WDR25: variants seen among roughly 807,000 people sequenced by gnomAD.
The protein encoded by WDR25 is WD repeat domain 25, also known as WD repeat-containing protein 25.
Under a neutral mutation model 47.7 loss-of-function variants are expected in WDR25, and 35 were observed. That is an observed-to-expected ratio of 0.73 (90% CI 0.56 to 0.97). The LOEUF (loss-of-function observed/expected upper bound fraction) is 0.97. Among genes scored for constraint, WDR25 ranks in the 50% least tolerant of loss-of-function variants. WDR25 has a pLI of 0.00. For synonymous variants in WDR25, 248 were observed against 278.9 expected (o/e 0.89, Z 1.10); for missense variants, 634 against 704.7 (o/e 0.90, Z 1.14).
chr14:100,529,302 T>C lies in WDR25; in HGVS notation c.1413+94T>C, dbSNP rs754197814. 6.4e-7 allele frequency: 1 copy of C among 1,550,902 alleles called. No individual in the cohort carries two copies. The highest frequency in any genetic ancestry group is 1.8e-5 in the Admixed American group (1 of 56,342). On this transcript the variant is annotated intron_variant, in intron 6 of 6. Coordinates refer to ENST00000402312, the MANE Select transcript of WDR25 (RefSeq NM_001161476.3). The surrounding 1 kb of genome is among the most constrained non-coding windows in gnomAD (Gnocchi z 5.1). Reference sequence around the variant, plus strand: ...TGGGCCCTGGGGTGCATGGAGCCTCTGTCTGGGTGGATCCTGCTTTCTGTT... The same window carrying C: ...TGGGCCCTGGGGTGCATGGAGCCTCCGTCTGGGTGGATCCTGCTTTCTGTT...
At chr14:100,378,654 C>A (rs1233264567) in intron 1 of WDR25, among the ~76,000 whole-genome samples, 1 of 151,660 alleles carries the variant, frequency 6.6e-6, no homozygotes, top group Admixed American at 6.6e-5. Context: ...GATGGGATAC[C>A]TGGGGGAAGA....
chr14:100,519,120 A>G (rs1331236012), intron 4 of WDR25, among the ~76,000 whole-genome samples: 1 of 152,084 alleles, frequency 6.6e-6, no homozygotes, highest in Non-Finnish European at 1.5e-5. Context: ...CCAACTGGGA[A>G]CCTCATCTGC....
intron 2 of WDR25, among the ~76,000 whole-genome samples, chr14:100,390,760 G>A (rs1162108006): frequency 6.6e-6 from 1 of 151,932 alleles, no homozygotes; most frequent in African/African-American, 2.4e-5. Context: ...CTCTTTTTGG[G>A]GGCTGTGTAG....
rs117396534 is a variant in WDR25 at position 100,413,791 on chromosome 14, T to A, written c.822+32045T>A. On this transcript the variant is annotated intron_variant, in intron 2 of 6. Transcript: ENST00000402312. ...GTTTTTCCTGTTCTAGAATGAAATA[T>A]GTAAATGGAATCATGCAGGGCGTAG... Among the ~76,000 whole-genome samples the A allele has an allele frequency of 3.5e-4, 53 of 152,366 alleles. No homozygotes were observed. In the East Asian group the frequency reaches 9.1e-3, roughly 26 times the overall value.
In WDR25 at chr14:100,525,102, G is replaced by A. The variant is rs764857687; in HGVS notation, c.1102-768G>A. On this transcript the variant is annotated intron_variant, in intron 4 of 6. Coordinates refer to ENST00000402312, the MANE Select transcript of WDR25 (RefSeq NM_001161476.3). This position sits in a 1 kb window ranked among gnomAD's most constrained non-coding sequence, Gnocchi z 4.6. ...GACCTTGCTGCGCTTCCATGGCTGC[G>A]CGTGGGTGCCCAGCATGTTATTTCC... 1.3e-5 allele frequency among the ~76,000 whole-genome samples: 2 copies of A among 152,238 alleles called. No individual in the cohort carries two copies. The highest frequency in any genetic ancestry group is 2.1e-4 in the South Asian group (1 of 4,818).
chr14:100,454,453 T>C (rs748688701), intron 2 of WDR25: 1 of 1,287,054 alleles, frequency 7.8e-7, no homozygotes, highest in Non-Finnish European at 1.0e-6. Context: ...TATGTTTGGC[T>C]TCCAGTAATG....
In WDR25 at chr14:100,440,795, C is replaced by T. The variant is rs1002513631; in HGVS notation, c.823-27226C>T. 2.0e-5 allele frequency among the ~76,000 whole-genome samples: 3 copies of T among 152,154 alleles called. No individual in the cohort carries two copies. The highest frequency in any genetic ancestry group is 4.4e-5 in the Non-Finnish European group (3 of 68,028). On this transcript the variant is annotated intron_variant, in intron 2 of 6. Coordinates refer to ENST00000402312, the MANE Select transcript of WDR25 (RefSeq NM_001161476.3). This position sits in a 1 kb window ranked among gnomAD's most constrained non-coding sequence, Gnocchi z 4.4. The stretch of plus-strand genomic sequence containing the variant: ...GACAGGCCGGGGGAGGTAACCACCT[C>T]GATAAATTCGTCAGCGAGGCAGCTG...
At chr14:100,397,798 G>C (rs759495973) in intron 2 of WDR25, among the ~76,000 whole-genome samples, 1 of 152,232 alleles carries the variant, frequency 6.6e-6, no homozygotes, top group East Asian at 1.9e-4. Context: ...ACGAGGCTGG[G>C]CATTGGATGC....
intron 2 of WDR25, among the ~76,000 whole-genome samples, chr14:100,436,179 T>C (rs985496006): frequency 6.6e-6 from 1 of 152,170 alleles, no homozygotes; most frequent in African/African-American, 2.4e-5. Flanking sequence ...TCTCACCTTA[T>C]CTCATTGAGT....
intron 4 of WDR25, among the ~76,000 whole-genome samples, chr14:100,503,186 A>G (rs778422551): frequency 1.3e-5 from 2 of 151,836 alleles, no homozygotes; most frequent in Non-Finnish European, 2.9e-5. Flanking sequence ...AGAGCTGAAC[A>G]CCCCAAGGGA....
At chr14:100,395,833 C>A (rs966296384) in intron 2 of WDR25, among the ~76,000 whole-genome samples, 1 of 152,172 alleles carries the variant, frequency 6.6e-6, no homozygotes, top group African/African-American at 2.4e-5. Context: ...CTCCCCCACC[C>A]ACCCCTCACC....
rs1407592884 is a variant in WDR25 at position 100,506,051 on chromosome 14, C to G, written c.1102-19819C>G. On this transcript the variant is annotated intron_variant, in intron 4 of 6. Coordinates refer to ENST00000402312, the MANE Select transcript of WDR25 (RefSeq NM_001161476.3). The surrounding 1 kb of genome is among the most constrained non-coding windows in gnomAD (Gnocchi z 4.8). The stretch of plus-strand genomic sequence containing the variant: ...GCATAGTACTCAACAGTTAGTTTTT[C>G]AACCCTTGCCCGCTCCCTCCCTCCA... Among the ~76,000 whole-genome samples the G allele has an allele frequency of 6.6e-6, 1 of 152,124 alleles. No individual in the cohort carries two copies. Among genetic ancestry groups the G allele is most frequent in the Non-Finnish European group, 1.5e-5 (1 of 67,990 alleles).
intron 2 of WDR25, among the ~76,000 whole-genome samples, chr14:100,386,360 T>G (rs922722866): frequency 2.0e-5 from 3 of 152,236 alleles, no homozygotes; most frequent in Non-Finnish European, 4.4e-5. Flanking sequence ...GCATAGTATG[T>G]GCAGTTTTGA....
chr14:100,398,004 A>C (rs533681358), intron 2 of WDR25, among the ~76,000 whole-genome samples: 3 of 152,114 alleles, frequency 2.0e-5, no homozygotes, highest in Non-Finnish European at 4.4e-5. Context: ...ACACCTGGCT[A>C]ATTTTTGTAT....
chr14:100,409,738 G>A (rs1415886548), intron 2 of WDR25, among the ~76,000 whole-genome samples: 1 of 152,224 alleles, frequency 6.6e-6, no homozygotes, highest in African/African-American at 2.4e-5. Flanking sequence ...GGCCCTGTGT[G>A]TCCTAATGCA....
At chr14:100,377,880 G>T (rs771689134) in intron 1 of WDR25, among the ~76,000 whole-genome samples, 1 of 152,148 alleles carries the variant, frequency 6.6e-6, no homozygotes, top group Non-Finnish European at 1.5e-5. Context: ...AAAGGACTTG[G>T]AGGGAATCTG....
chr14:100,520,393 T>C (rs1901678647), intron 4 of WDR25, among the ~76,000 whole-genome samples: 1 of 152,186 alleles, frequency 6.6e-6, no homozygotes, highest in Admixed American at 6.5e-5. Context: ...TTCTTTTATA[T>C]ATATTGACAC....
Position 100,464,661 on chromosome 14 carries a change from C to T in WDR25, c.823-3360C>T, listed in dbSNP as rs1308361630. On this transcript the variant is annotated intron_variant, in intron 2 of 6. Transcript: ENST00000402312. ...AACCCAGTGCATTTCATCTCCCCCACCCCATCTCATCTCCCCTACCTCATC... is the reference window on the plus strand; with the variant it reads ...AACCCAGTGCATTTCATCTCCCCCATCCCATCTCATCTCCCCTACCTCATC... 4.7e-5 allele frequency among the ~76,000 whole-genome samples: 7 copies of T among 148,962 alleles called. No homozygotes were observed. The Admixed American group carries it at 4.7e-4, about 10-fold the overall frequency.
At chr14:100,463,999 C>G (rs1899516645) in intron 2 of WDR25, among the ~76,000 whole-genome samples, 1 of 152,204 alleles carries the variant, frequency 6.6e-6, no homozygotes, top group Admixed American at 6.5e-5. Flanking sequence ...TCATTCTCCT[C>G]CCTGCATGGC....
Sources: allele counts gnomAD v4.1 joint callset (sites outside exome capture counted in the v4.1 genomes callset), GRCh38; gene constraint gnomAD v4.1.1; non-coding constraint Gnocchi (gnomAD v3.1); transcripts MANE v1.5; gene names NCBI Gene and HGNC (gene_info 2026-07-23, HGNC 2026-07-21).